UBASH3B: variants seen among roughly 807,000 people sequenced by gnomAD.
UBASH3B encodes ubiquitin-associated and SH3 domain-containing protein B.
In UBASH3B, 37 loss-of-function variants were observed where a neutral mutation model predicts 83.4. The observed-to-expected ratio is 0.44, with a 90% CI of 0.34 to 0.58. The LOEUF is 0.58. Among genes scored for constraint, UBASH3B ranks in the 20% least tolerant of loss-of-function variants. UBASH3B has a pLI of 0.01. For synonymous variants in UBASH3B, 304 were observed against 318.3 expected (o/e 0.96, Z 0.48); for missense variants, 657 against 827.2 (o/e 0.79, Z 2.52).
At chr11:122,763,197 C>G (rs1012307799) in intron 1 of UBASH3B, among the ~76,000 whole-genome samples, 2 of 152,182 alleles carry the variant, frequency 1.3e-5, no homozygotes, top group African/African-American at 4.8e-5. Context: ...GGACACATAA[C>G]AGAGGCAAAG....
chr11:122,713,375 G>A (rs943015593), intron 1 of UBASH3B, among the ~76,000 whole-genome samples: 1 of 152,112 alleles, frequency 6.6e-6, no homozygotes, highest in Admixed American at 6.5e-5. Flanking sequence ...GGCATCAGAC[G>A]AATGCATGTG....
rs1861321902 is a variant in UBASH3B, at chr11:122,758,695, C to T, written c.162-17524C>T. Among the ~76,000 whole-genome samples, 1 of 152,230 alleles carries T rather than the reference C, an allele frequency of 6.6e-6. No individual in the cohort carries two copies. The highest frequency in any genetic ancestry group is 1.5e-5 in the Non-Finnish European group (1 of 68,048). ...AGTAGATGCACCTGCCACTCCACGC[C>T]ACTCTACTCCCTCCCTTAAGTTGCC... is the stretch of plus-strand genomic sequence containing the variant. On this transcript the variant is annotated intron_variant, in intron 1 of 13. Coordinates refer to ENST00000284273, the MANE Select transcript of UBASH3B (RefSeq NM_032873.5). The surrounding 1 kb of genome is among the most constrained non-coding windows in gnomAD (Gnocchi z 4.2).
intron 1 of UBASH3B, among the ~76,000 whole-genome samples, chr11:122,715,071 G>A (rs1035941423): frequency 5.3e-5 from 8 of 151,928 alleles, no homozygotes; most frequent in Non-Finnish European, 1.0e-4. Context: ...TCAGCCTCCC[G>A]CGTAGCTGGG....
chr11:122,656,194 T>C lies in UBASH3B; in HGVS notation c.145T>C (p.Phe49Leu). The change falls in exon 1 of 14, where the codon TTC (phenylalanine) becomes CTC (leucine). Residue 49 changes from phenylalanine to leucine, a missense_variant. Phe to Leu is a conservative substitution (Grantham distance 22). Around this residue, in one of 3 missense-constraint regions of UBASH3B, gnomAD observed 78 missense variants for 68.4 expected, o/e 1.14. Coordinates refer to ENST00000284273, the MANE Select transcript of UBASH3B (RefSeq NM_032873.5). ...SALDVLLSMG[F>L]PRARAQKALA... is the part of the protein sequence containing the mutation. ...GCTGGACGTGCTCCTCTCCATGGGG[T>C]TCCCCAGAGCCCGCGCGTAAGTGGC... The C allele has an allele frequency of 1.3e-6, 2 of 1,501,316 alleles. No individual in the cohort carries two copies. The highest frequency in any genetic ancestry group is 1.8e-6 in the Non-Finnish European group (2 of 1,124,860). 93.0% of individuals were successfully genotyped at this position (1,501,316 alleles called of 1,614,324 possible).
intron 1 of UBASH3B, among the ~76,000 whole-genome samples, chr11:122,744,908 C>CAT (rs57081785): frequency 0.55 from 74,940 of 135,082 alleles, 19,016 homozygotes; most frequent in Admixed American, 0.61. Context: ...TGCGCGCGCG[C>CAT]GCGCACTTGG....
chr11:122,801,732 T>C (rs1021385534), intron 11 of UBASH3B, among the ~76,000 whole-genome samples: 35 of 152,380 alleles, frequency 2.3e-4, no homozygotes, highest in African/African-American at 8.4e-4. Flanking sequence ...TAAATCTCTG[T>C]ATTATCTTTG....
intron 1 of UBASH3B, among the ~76,000 whole-genome samples, chr11:122,768,601 G>A (rs1860593717): frequency 6.6e-6 from 1 of 151,202 alleles, no homozygotes; most frequent in African/African-American, 2.4e-5. Context: ...TGCCTCCCTG[G>A]TTCAAGTGAT....
At chr11:122,657,672 T>C (rs1376322275) in intron 1 of UBASH3B, among the ~76,000 whole-genome samples, 1 of 152,164 alleles carries the variant, frequency 6.6e-6, no homozygotes, top group Non-Finnish European at 1.5e-5. Flanking sequence ...AATTTGTTAT[T>C]CTCCAGGCTG....
intron 1 of UBASH3B, among the ~76,000 whole-genome samples, chr11:122,659,459 C>T (rs771810484): frequency 6.6e-6 from 1 of 152,174 alleles, no homozygotes; most frequent in Admixed American, 6.5e-5. Flanking sequence ...TTGCTTCCCT[C>T]CTCTACTTCA....
At chr11:122,676,729 G>T (rs966875833) in intron 1 of UBASH3B, among the ~76,000 whole-genome samples, 24 of 151,988 alleles carry the variant, frequency 1.6e-4, no homozygotes, top group African/African-American at 5.8e-4. Context: ...TCTAAATAGC[G>T]ACATTCCAGC....
intron 9 of UBASH3B, among the ~76,000 whole-genome samples, chr11:122,798,381 C>G (rs1486855130): frequency 1.3e-5 from 2 of 152,084 alleles, no homozygotes; most frequent in African/African-American, 4.8e-5. Flanking sequence ...CTAGCTAAAG[C>G]CTTTACCACT....
At chr11:122,671,641 G>A (rs1863593978) in intron 1 of UBASH3B, among the ~76,000 whole-genome samples, 1 of 152,266 alleles carries the variant, frequency 6.6e-6, no homozygotes, top group Non-Finnish European at 1.5e-5. Flanking sequence ...CCTTGGCAGG[G>A]AGGCCACAAG....
chr11:122,741,515 A>G (rs1030966653), intron 1 of UBASH3B, among the ~76,000 whole-genome samples: 1 of 152,194 alleles, frequency 6.6e-6, no homozygotes, highest in African/African-American at 2.4e-5. Context: ...GTCAGTTCAC[A>G]TAGTGGTCAG....
At chr11:122,719,952 T>C (rs1203796643) in intron 1 of UBASH3B, among the ~76,000 whole-genome samples, 1 of 152,204 alleles carries the variant, frequency 6.6e-6, no homozygotes, top group Non-Finnish European at 1.5e-5. Flanking sequence ...CTGCAGTGCC[T>C]GCTTCTGCTC....
Position 122,722,957 on chromosome 11 carries a change from G to A in UBASH3B, c.162-53262G>A, listed in dbSNP as rs564091952. 4.6e-5 allele frequency among the ~76,000 whole-genome samples: 7 copies of A among 152,108 alleles called. No homozygotes were observed. The East Asian group carries it at 5.8e-4, about 13-fold the overall frequency. ...CCTGATCTCATGATCCGCCCATCTC[G>A]GCCTCCCAAAGTGCTGGGATTACAG... On this transcript the variant is annotated intron_variant, in intron 1 of 13. Transcript: ENST00000284273.
At chr11:122,712,896 G>GTTTT (rs386375116) in intron 1 of UBASH3B, among the ~76,000 whole-genome samples, 823 of 64,512 alleles carry the variant, frequency 0.013, 164 homozygotes, top group East Asian at 0.051. Context: ...TCTCTGGGTG[G>GTTTT]TTTTTTTTTT....
chr11:122,779,675 C>T lies in UBASH3B; in HGVS notation c.581C>T (p.Ala194Val). 1.9e-6 allele frequency: 3 copies of T among 1,614,186 alleles called. No homozygotes were observed. The highest frequency in any genetic ancestry group is 2.5e-6 in the Non-Finnish European group (3 of 1,180,032). ...AAGAAGTTTGCTGCTGACTTTGCTG[C>T]AGAGGCTGCATCCAAAACCGGTGAG... ...VLKKFAADFAAEAASKTEVHV... is the reference protein window; with the variant it reads ...VLKKFAADFAVEAASKTEVHV... The change falls in exon 4 of 14, where the codon GCA (alanine) becomes GTA (valine). Residue 194 changes from alanine (A) to valine (V), a missense_variant. Ala to Val is a moderately conservative substitution (Grantham distance 64). Coordinates refer to ENST00000284273, the MANE Select transcript of UBASH3B (RefSeq NM_032873.5).
intron 1 of UBASH3B, among the ~76,000 whole-genome samples, chr11:122,733,529 C>T (rs565312691): frequency 3.3e-5 from 5 of 152,212 alleles, no homozygotes; most frequent in Non-Finnish European, 7.3e-5. Context: ...TCAGTAATTC[C>T]TGCCATTCAA....
chr11:122,708,684 CAA>C (rs771874938), intron 1 of UBASH3B, among the ~76,000 whole-genome samples: 2 of 152,134 alleles, frequency 1.3e-5, no homozygotes, highest in East Asian at 3.9e-4. Flanking sequence ...TTGCATCCCT[CAA>C]AAAGATCCAC....
Sources: allele counts gnomAD v4.1 joint callset (sites outside exome capture counted in the v4.1 genomes callset), GRCh38; gene constraint gnomAD v4.1.1; regional missense constraint gnomAD v4.1.1; non-coding constraint Gnocchi (gnomAD v3.1); transcripts MANE v1.5; gene names NCBI Gene and HGNC (gene_info 2026-07-23, HGNC 2026-07-21).